Variants in GABBR2 observed in about 807,000 individuals in gnomAD.
The protein encoded by GABBR2 is G-protein coupled receptor 51.
A neutral mutation model predicts 105.6 loss-of-function variants in GABBR2; 23 were observed. The observed-to-expected ratio is 0.22, with a 90% CI of 0.16 to 0.31. The LOEUF is 0.31. Ranked by LOEUF, GABBR2 falls within the 10% of genes least tolerant of loss-of-function variation. The pLI is 1.00. For missense variants in GABBR2, 734 were observed against 1,245.5 expected, an observed-to-expected ratio of 0.59 and a Z score of 6.18; for synonymous variants, 478 against 499.7, an observed-to-expected ratio of 0.96 and a Z score of 0.58.
chr9:98,327,026 G>C (rs941007236), intron 13 of GABBR2, among the ~76,000 whole-genome samples: 1 of 152,204 alleles, frequency 6.6e-6, no homozygotes, highest in Non-Finnish European at 1.5e-5. Context: ...GAAACAGATG[G>C]CTACTGTGTT....
chr9:98,520,143 C>T (rs72603695), intron 3 of GABBR2, among the ~76,000 whole-genome samples: 17,269 of 152,172 alleles, frequency 0.11, 1,645 homozygotes, highest in East Asian at 0.49. Flanking sequence ...AGCTAATATA[C>T]GCTAAGTGTC....
At chr9:98,501,014 A>T (rs1827387244) in intron 3 of GABBR2, among the ~76,000 whole-genome samples, 1 of 152,136 alleles carries the variant, frequency 6.6e-6, no homozygotes, top group South Asian at 2.1e-4. Flanking sequence ...ATGATTGATA[A>T]TTGTGAGAAA....
chr9:98,497,716 C>T (rs375851037), intron 3 of GABBR2, among the ~76,000 whole-genome samples: 1 of 152,196 alleles, frequency 6.6e-6, no homozygotes, highest in South Asian at 2.1e-4. Flanking sequence ...TGGCTATTAC[C>T]AAAAAGCAAA....
intron 3 of GABBR2, among the ~76,000 whole-genome samples, chr9:98,527,441 T>C (rs1443343444): frequency 2.0e-5 from 3 of 152,148 alleles, no homozygotes; most frequent in African/African-American, 7.2e-5. Flanking sequence ...CCAGATGTTA[T>C]TATATCTACC....
chr9:98,421,788 T>C (rs1832786450), intron 7 of GABBR2, among the ~76,000 whole-genome samples: 1 of 152,202 alleles, frequency 6.6e-6, no homozygotes, highest in Non-Finnish European at 1.5e-5. Context: ...TGGTTGACTA[T>C]ATAAGGGAAA....
chr9:98,573,904 C>A (rs1415592288), intron 2 of GABBR2, among the ~76,000 whole-genome samples: 1 of 152,134 alleles, frequency 6.6e-6, no homozygotes, highest in Non-Finnish European at 1.5e-5. Context: ...TGCCTCGCCA[C>A]AAGAACCAAT....
At chr9:98,568,276 C>T (rs1315588787) in intron 2 of GABBR2, among the ~76,000 whole-genome samples, 6 of 151,880 alleles carry the variant, frequency 4.0e-5, no homozygotes, top group Admixed American at 1.3e-4. Context: ...CAGACATGTC[C>T]ACTGTCTTTA....
chr9:98,510,528 C>G (rs917194758), intron 3 of GABBR2, among the ~76,000 whole-genome samples: 2 of 152,102 alleles, frequency 1.3e-5, no homozygotes, highest in Non-Finnish European at 2.9e-5. Flanking sequence ...GGAAACCCAT[C>G]TCATGTGCAG....
At chr9:98,640,049 A>G (rs1409085561) in intron 1 of GABBR2, among the ~76,000 whole-genome samples, 1 of 151,594 alleles carries the variant, frequency 6.6e-6, no homozygotes, top group East Asian at 1.9e-4. Flanking sequence ...GCTTAATTCC[A>G]CTAAGTTCAA....
intron 13 of GABBR2, among the ~76,000 whole-genome samples, chr9:98,346,678 A>T (rs1215342346): frequency 6.6e-6 from 1 of 152,166 alleles, no homozygotes; most frequent in African/African-American, 2.4e-5. Flanking sequence ...TCATTCCTCC[A>T]GTCTAGCTGT....
chr9:98,448,499 C>T (rs912072735), intron 7 of GABBR2, among the ~76,000 whole-genome samples: 1 of 152,150 alleles, frequency 6.6e-6, no homozygotes, highest in Non-Finnish European at 1.5e-5. Flanking sequence ...CGTAATCAGC[C>T]GCAACCTCCT....
chr9:98,622,743 T>C (rs1829686704), intron 1 of GABBR2, among the ~76,000 whole-genome samples: 1 of 152,198 alleles, frequency 6.6e-6, no homozygotes, highest in African/African-American at 2.4e-5. Flanking sequence ...GTCACCTCTT[T>C]TTCTTTTCAC....
At chr9:98,574,695 C>G (rs745987316) in intron 2 of GABBR2, among the ~76,000 whole-genome samples, 9 of 152,348 alleles carry the variant, frequency 5.9e-5, no homozygotes, top group Non-Finnish European at 1.0e-4. Context: ...TATGTCTTAT[C>G]ATCTCCTCTA....
At chr9:98,385,139 C>T (rs1832048500) in intron 11 of GABBR2, among the ~76,000 whole-genome samples, 1 of 152,080 alleles carries the variant, frequency 6.6e-6, no homozygotes, top group Non-Finnish European at 1.5e-5. Context: ...TAATATTTTT[C>T]CCCTCCTTTT....
intron 3 of GABBR2, among the ~76,000 whole-genome samples, chr9:98,501,498 TGAAG>T (rs1827400038): frequency 6.6e-6 from 1 of 152,174 alleles, no homozygotes; most frequent in African/African-American, 2.4e-5. Context: ...ACATCTAGAA[TGAAG>T]GAAGGGACAA....
intron 13 of GABBR2, among the ~76,000 whole-genome samples, chr9:98,319,165 C>T (rs952101751): frequency 6.6e-6 from 1 of 152,132 alleles, no homozygotes; most frequent in African/African-American, 2.4e-5. Flanking sequence ...CCATAACTTC[C>T]TCATCTACAA....
intron 18 of GABBR2, among the ~76,000 whole-genome samples, chr9:98,293,506 C>T (rs1426185144): frequency 4.6e-5 from 7 of 152,308 alleles, no homozygotes; most frequent in East Asian, 1.9e-4. Flanking sequence ...ACAAAGGCAG[C>T]GTCTTGTGGT....
Position 98,311,144 on chromosome 9 carries a change from T to C in GABBR2, c.1955A>G (p.His652Arg). ...RPLLEHCENT[H>R]MTIWLGIVYA... ...GACGATGCCAAGCCAGATGGTCATATGGGTGTTCTCACAGTGCTCCAGGAG... is the reference window on the plus strand; with the variant it reads ...GACGATGCCAAGCCAGATGGTCATACGGGTGTTCTCACAGTGCTCCAGGAG... The change falls in exon 14 of 19, where the codon CAT (histidine) becomes CGT (arginine). Residue 652 changes from histidine to arginine, a missense_variant. Physicochemically the swap from His to Arg is conservative, Grantham distance 29. Transcript: ENST00000259455. 1 of 1,613,644 alleles carries C rather than the reference T, an allele frequency of 6.2e-7. No homozygotes were observed. Among genetic ancestry groups the C allele is most frequent in the South Asian group, 1.1e-5 (1 of 91,070 alleles).
chr9:98,586,196 C>A (rs138216637), intron 1 of GABBR2, among the ~76,000 whole-genome samples: 1 of 152,118 alleles, frequency 6.6e-6, no homozygotes, highest in Admixed American at 6.5e-5. Flanking sequence ...AAGACCTCTG[C>A]GCCCACACCT....
Sources: allele counts gnomAD v4.1 joint callset (sites outside exome capture counted in the v4.1 genomes callset), GRCh38; gene constraint gnomAD v4.1.1; transcripts MANE v1.5; gene names NCBI Gene and HGNC (gene_info 2026-07-23, HGNC 2026-07-21).